TSPEAR: variants seen among roughly 807,000 people sequenced by gnomAD.
The protein encoded by TSPEAR is thrombospondin-type laminin G domain and EAR repeat-containing protein.
Under a neutral mutation model 71.6 loss-of-function variants are expected in TSPEAR, and 69 were observed. That is an observed-to-expected ratio of 0.96 (90% CI 0.79 to 1.18). TSPEAR has a LOEUF of 1.18. Ranked by LOEUF, TSPEAR falls within the 50% of genes most tolerant of loss-of-function variation. The pLI, the probability that TSPEAR is intolerant of heterozygous loss-of-function variation, is 0.00. For synonymous variants in TSPEAR, 402 were observed against 387.2 expected (o/e 1.04, Z -0.45); for missense variants, 971 against 894.9 (o/e 1.09, Z -1.09).
At chr21:44,499,962 G>C in intron 11 of TSPEAR, 26 bp from the exon 12 acceptor site, 1 of 1,586,376 alleles carries the variant, frequency 6.3e-7, no homozygotes, top group Non-Finnish European at 8.5e-7. Context: ...CGGCAGCCGG[G>C]TCAGCCTGGG....
chr21:44,580,415 G>T, intron 1 of TSPEAR: 2 of 1,612,946 alleles, frequency 1.2e-6, no homozygotes, highest in Non-Finnish European at 8.5e-7. Context: ...GGGCTCACAG[G>T]CCGCCTGGCA....
chr21:44,652,294 A>C (rs1245313241), intron 1 of TSPEAR, among the ~76,000 whole-genome samples: 1 of 152,122 alleles, frequency 6.6e-6, no homozygotes, highest in Non-Finnish European at 1.5e-5. Flanking sequence ...CATTCTCTAA[A>C]AGTTTAATTT....
rs181674392 is a variant in TSPEAR at position 44,671,160 on chromosome 21, A to C, written c.82+40273T>G. ...TGTGCCCACCCAGCATGCCACTACC[A>C]CCAGCGCTCACTTGCATGTGCCACC... On this transcript the variant is annotated intron_variant, in intron 1 of 11. Coordinates refer to ENST00000323084, the MANE Select transcript of TSPEAR (RefSeq NM_144991.3). Among the ~76,000 whole-genome samples, 11 of 152,188 alleles carry C rather than the reference A, an allele frequency of 7.2e-5. No individual in the cohort carries two copies. In the East Asian group the frequency reaches 1.9e-3, roughly 27 times the overall value.
rs1353626313 is a variant in TSPEAR, at chr21:44,529,429, A to G, written c.790+369T>C. 2.0e-5 allele frequency among the ~76,000 whole-genome samples: 3 copies of G among 151,892 alleles called. No homozygotes were observed. The East Asian group carries it at 5.8e-4, about 30-fold the overall frequency. On this transcript the variant is annotated intron_variant, in intron 5 of 11. Transcript: ENST00000323084. Reference sequence around the variant, plus strand: ...GGTGGGACAGAGGCGGGGTGGGGAGAAATGGCCCAAACGCTGTCCTTGGGG... The same window carrying G: ...GGTGGGACAGAGGCGGGGTGGGGAGGAATGGCCCAAACGCTGTCCTTGGGG...
rs374080725 is a variant in TSPEAR at position 44,573,804 on chromosome 21, C to T, written c.83-5799G>A. The T allele has an allele frequency of 1.1e-4, 180 of 1,614,088 alleles. No homozygotes were observed. Among genetic ancestry groups the T allele is most frequent in the Non-Finnish European group, 1.5e-4 (176 of 1,180,038 alleles). On this transcript the variant is annotated intron_variant, in intron 1 of 11. Coordinates refer to ENST00000323084, the MANE Select transcript of TSPEAR (RefSeq NM_144991.3). ...CCTGAGCTACAGCAGCCGCGTCTGC[C>T]TTCCTGGTTCCTGTGACTCTTGCTC...
rs902075370 is a variant in TSPEAR, at chr21:44,695,527, G to A, written c.82+15906C>T. On this transcript the variant is annotated intron_variant, in intron 1 of 11. Transcript: ENST00000323084. The surrounding 1 kb of genome is among the most constrained non-coding windows in gnomAD (Gnocchi z 4.5). ...GGGTTGCAATGACCTCCGATCCCAA[G>A]ACCCTTTTCCCAAGTCCAATTTTTC... is the stretch of plus-strand genomic sequence containing the variant. Among the ~76,000 whole-genome samples the A allele has an allele frequency of 2.6e-5, 4 of 152,142 alleles. No individual in the cohort carries two copies. The highest frequency in any genetic ancestry group is 7.2e-5 in the African/African-American group (3 of 41,436).
chr21:44,503,789 A>G (rs1180582336), intron 11 of TSPEAR, among the ~76,000 whole-genome samples: 2 of 117,402 alleles, frequency 1.7e-5, no homozygotes, highest in East Asian at 2.8e-4. Flanking sequence ...TCTGGGAGGA[A>G]GCTGGCCTCG....
intron 1 of TSPEAR, among the ~76,000 whole-genome samples, chr21:44,607,374 T>C (rs1323038095): frequency 1.3e-5 from 2 of 152,216 alleles, no homozygotes; most frequent in Non-Finnish European, 2.9e-5. Context: ...TTAATCTTTC[T>C]ACAATGCATG....
At chr21:44,661,165 T>G (rs1237420831) in intron 1 of TSPEAR, among the ~76,000 whole-genome samples, 12 of 150,166 alleles carry the variant, frequency 8.0e-5, no homozygotes, top group Admixed American at 2.0e-4. Context: ...TCCCAGCTAC[T>G]CGGGAGGCTG....
intron 2 of TSPEAR, among the ~76,000 whole-genome samples, chr21:44,565,216 G>T (rs188725307): frequency 3.5e-4 from 53 of 152,086 alleles, no homozygotes; most frequent in African/African-American, 1.2e-3. Flanking sequence ...CCTACTTTAA[G>T]ATGCTGGAGA....
At chr21:44,677,389 CCA>C (rs1357493285) in intron 1 of TSPEAR, 5 of 1,360,554 alleles carry the variant, frequency 3.7e-6, no homozygotes. Flanking sequence ...ACAGCCTGGA[CCA>C]CAGTGTTCTG....
At chr21:44,618,361 C>G (rs1351689372) in intron 1 of TSPEAR, among the ~76,000 whole-genome samples, 1 of 152,188 alleles carries the variant, frequency 6.6e-6, no homozygotes, top group Admixed American at 6.5e-5. Flanking sequence ...GAAACTGAGT[C>G]AATCAAAGTT....
intron 1 of TSPEAR, among the ~76,000 whole-genome samples, chr21:44,613,769 G>C (rs114837236): frequency 0.015 from 2,283 of 152,248 alleles, 49 homozygotes; most frequent in African/African-American, 0.051. Flanking sequence ...GGGATGGGAT[G>C]GGGGGATGCT....
chr21:44,560,577 A>G (rs1375142752), intron 2 of TSPEAR, among the ~76,000 whole-genome samples: 1 of 152,210 alleles, frequency 6.6e-6, no homozygotes. Context: ...TGACTTTATA[A>G]TTGAAAGTAA....
intron 1 of TSPEAR, among the ~76,000 whole-genome samples, chr21:44,665,167 A>C (rs587684695): frequency 6.6e-6 from 1 of 152,334 alleles, no homozygotes; most frequent in Non-Finnish European, 1.5e-5. Context: ...TCCCAGTTTA[A>C]ACTACACAAT....
intron 1 of TSPEAR, chr21:44,637,293 C>G (rs1983640568): frequency 7.6e-7 from 1 of 1,323,282 alleles, no homozygotes; most frequent in Admixed American, 2.2e-5. Flanking sequence ...TGCTGAGTCT[C>G]CTGCTGGGAA....
chr21:44,512,250 C>A (rs1373251915), intron 9 of TSPEAR, among the ~76,000 whole-genome samples: 3 of 148,242 alleles, frequency 2.0e-5, no homozygotes, highest in Admixed American at 6.9e-5. Context: ...GGCTTTTGAG[C>A]AGAACGAGGA....
intron 1 of TSPEAR, among the ~76,000 whole-genome samples, chr21:44,652,392 C>T (rs1262938716): frequency 1.3e-5 from 2 of 152,176 alleles, no homozygotes; most frequent in Non-Finnish European, 2.9e-5. Context: ...GACCCAGCAC[C>T]CCGGTACCAG....
intron 1 of TSPEAR, among the ~76,000 whole-genome samples, chr21:44,661,280 T>TTA (rs1985479749): frequency 3.0e-5 from 1 of 33,594 alleles, no homozygotes; most frequent in African/African-American, 1.6e-4. Context: ...AGACTCCGTC[T>TTA]CAAAAAAAAA....
Sources: allele counts gnomAD v4.1 joint callset (sites outside exome capture counted in the v4.1 genomes callset), GRCh38; gene constraint gnomAD v4.1.1; non-coding constraint Gnocchi (gnomAD v3.1); transcripts MANE v1.5; gene names NCBI Gene and HGNC (gene_info 2026-07-23, HGNC 2026-07-21).